TASP1: variants seen among roughly 807,000 people sequenced by gnomAD.
TASP1 encodes the protein taspase 1.
A neutral mutation model predicts 56.6 loss-of-function variants in TASP1; 16 were observed. That is an observed-to-expected ratio of 0.28 (90% confidence interval 0.19 to 0.43). The LOEUF (loss-of-function observed/expected upper bound fraction) is 0.43, where lower values mean the gene tolerates loss of function less well. TASP1 is among the 20% of genes least tolerant of loss of function. The probability of loss-of-function intolerance (pLI) is 1.00; values close to 1 mark genes in which losing one functional copy is unlikely to be tolerated. For missense variants in TASP1, 393 were observed against 511.6 expected (o/e 0.77, Z 2.24); for synonymous variants, 179 against 184.2 (o/e 0.97, Z 0.23).
chr20:13,607,758 T>C (rs2048210078), intron 4 of TASP1, among the ~76,000 whole-genome samples: 1 of 152,188 alleles, frequency 6.6e-6, no homozygotes, highest in Admixed American at 6.5e-5. Flanking sequence ...TCATTTTAAT[T>C]GAGTTTGTGA....
At chr20:13,586,969 A>G (rs2085548563) in intron 5 of TASP1, among the ~76,000 whole-genome samples, 1 of 152,114 alleles carries the variant, frequency 6.6e-6, no homozygotes, top group African/African-American at 2.4e-5. Context: ...GAAATTTTTT[A>G]CAACAAAAAA....
At chr20:13,147,263 T>C in the TASP1 span, among the ~76,000 whole-genome samples, 3 of 152,148 alleles carry the variant, frequency 2.0e-5, no homozygotes, top group Admixed American at 1.3e-4. Flanking sequence ...CAGTGCCTGA[T>C]AAAAATGTGC....
At chr20:13,563,036 G>A (rs1230185701) in intron 7 of TASP1, among the ~76,000 whole-genome samples, 3 of 132,292 alleles carry the variant, frequency 2.3e-5, no homozygotes, top group South Asian at 2.9e-4. Context: ...ACATACATAC[G>A]CACGTATACA....
chr20:13,590,203 C>T (rs1450492436), intron 4 of TASP1, among the ~76,000 whole-genome samples: 1 of 152,108 alleles, frequency 6.6e-6, no homozygotes, highest in Non-Finnish European at 1.5e-5. Context: ...CACTGCACTC[C>T]AGCCTGGGTG....
chr20:13,538,775 G>T (rs941331272), intron 8 of TASP1, among the ~76,000 whole-genome samples: 1 of 152,140 alleles, frequency 6.6e-6, no homozygotes, highest in East Asian at 1.9e-4. Context: ...GGGCTGGGTG[G>T]CTCACGCCTG....
chr20:13,279,974 A>G, the TASP1 span: 1 of 1,400,884 alleles, frequency 7.1e-7, no homozygotes, highest in Non-Finnish European at 9.8e-7. Context: ...GGAGCCAAGC[A>G]AAACCCTGCT....
At chr20:13,269,942 T>TGGATGGATGGAC in the TASP1 span, among the ~76,000 whole-genome samples, 2 of 151,486 alleles carry the variant, frequency 1.3e-5, no homozygotes, top group African/African-American at 2.4e-5. Context: ...GAAGGATGGA[T>TGGATGGATGGAC]GGATGGATGG....
chr20:13,173,672 G>C, the TASP1 span, among the ~76,000 whole-genome samples: 1 of 152,082 alleles, frequency 6.6e-6, no homozygotes, highest in African/African-American at 2.4e-5. Flanking sequence ...AGAGGTGATA[G>C]GTTTCTCACC....
chr20:13,199,391 C>T, the TASP1 span, among the ~76,000 whole-genome samples: 3 of 152,058 alleles, frequency 2.0e-5, no homozygotes, highest in Admixed American at 6.6e-5. Flanking sequence ...TCCCTCTTTC[C>T]GTCCTCCTTC....
chr20:13,298,755 T>C, the TASP1 span, among the ~76,000 whole-genome samples: 2 of 152,092 alleles, frequency 1.3e-5, no homozygotes, highest in African/African-American at 4.8e-5. Flanking sequence ...GCCATCCACT[T>C]CTGATGGTGC....
chr20:13,494,718 T>C (rs1458843269), intron 10 of TASP1, among the ~76,000 whole-genome samples: 1 of 151,964 alleles, frequency 6.6e-6, no homozygotes, highest in Admixed American at 6.6e-5. Context: ...ATAAAGGAGA[T>C]ATAAACAAAG....
At chr20:13,117,370 G>A in the TASP1 span, 1 of 804,310 alleles carries the variant, frequency 1.2e-6, no homozygotes, top group Non-Finnish European at 1.9e-6. Flanking sequence ...GGTTGTCTCA[G>A]CCAAATAAAA....
the TASP1 span, among the ~76,000 whole-genome samples, chr20:13,214,352 C>A: frequency 1.3e-5 from 2 of 152,082 alleles, no homozygotes; most frequent in Admixed American, 1.3e-4. Context: ...CAGCTGTGTT[C>A]TCTTAAGCTC....
At chr20:13,614,463 T>G (rs2048454816) in intron 4 of TASP1, among the ~76,000 whole-genome samples, 1 of 152,200 alleles carries the variant, frequency 6.6e-6, no homozygotes, top group Non-Finnish European at 1.5e-5. Flanking sequence ...ATTAGAGCAT[T>G]TGTTAATCTG....
chr20:13,469,366 A>G (rs1352197480), intron 11 of TASP1, among the ~76,000 whole-genome samples: 1 of 152,182 alleles, frequency 6.6e-6, no homozygotes, highest in African/African-American at 2.4e-5. Context: ...TCTTGCAAAC[A>G]GGAAACCTCA....
chr20:13,144,173 C>T, the TASP1 span, among the ~76,000 whole-genome samples: 6 of 152,336 alleles, frequency 3.9e-5, 1 homozygote, highest in Admixed American at 3.9e-4. Flanking sequence ...CATCCCCAAA[C>T]TTGTGTCCAC....
the TASP1 span, among the ~76,000 whole-genome samples, chr20:13,355,631 T>A: frequency 4.6e-5 from 7 of 152,218 alleles, no homozygotes; most frequent in Admixed American, 2.0e-4. Context: ...AGCCTCAGCG[T>A]GCTTTCTCCA....
the TASP1 span, among the ~76,000 whole-genome samples, chr20:13,376,272 C>T: frequency 6.6e-6 from 1 of 152,038 alleles, no homozygotes. Context: ...GGAAGGGGTC[C>T]AGTTTCAGTT....
chr20:13,149,881 T>C, the TASP1 span, among the ~76,000 whole-genome samples: 17 of 152,290 alleles, frequency 1.1e-4, no homozygotes, highest in Admixed American at 5.9e-4. Flanking sequence ...AGCGCAAAGA[T>C]AATGCCGTTG....
Sources: allele counts gnomAD v4.1 joint callset (sites outside exome capture counted in the v4.1 genomes callset), GRCh38; gene constraint gnomAD v4.1.1; transcripts MANE v1.5; gene names NCBI Gene and HGNC (gene_info 2026-07-23, HGNC 2026-07-21).